The following PRICKLE3 variants were observed in gnomAD, a reference collection of about 807,000 sequenced individuals.
PRICKLE3 encodes the protein prickle planar cell polarity protein 3.
In PRICKLE3, 17 loss-of-function variants were observed where a neutral mutation model predicts 33.8. The ratio of observed to expected loss-of-function variants is 0.50; its 90% CI spans 0.34 to 0.75. PRICKLE3 has a LOEUF of 0.75. PRICKLE3 is among the 30% of genes least tolerant of loss of function. The probability of loss-of-function intolerance (pLI) is 0.01; values close to 1 mark genes in which losing one functional copy is unlikely to be tolerated. For synonymous variants in PRICKLE3, 211 were observed against 219.6 expected (o/e 0.96, Z 0.34); for missense variants, 573 against 576.7 (o/e 0.99, Z 0.07).
Position 49,178,194 on chromosome X carries a change from C to G in PRICKLE3, c.769-15G>C, listed in dbSNP as rs2147871863. On this transcript the variant is annotated splice_polypyrimidine_tract_variant and intron_variant, in intron 6 of 8. Transcript: ENST00000599218. The stretch of plus-strand genomic sequence containing the variant: ...GAGAAGATGATCTGGAGGGCGCAGG[C>G]CATCTGTGGCTGTCAGATGAGCCTG... The G allele has an allele frequency of 8.4e-7, 1 of 1,194,926 alleles. No individual in the cohort carries two copies. Among genetic ancestry groups the G allele is most frequent in the East Asian group, 3.0e-5 (1 of 33,523 alleles).
chrX:49,182,383 G>T (rs1557101298), intron 3 of PRICKLE3, among the ~76,000 whole-genome samples: 1 of 111,519 alleles, frequency 9.0e-6, no homozygotes, highest in African/African-American at 3.3e-5. Flanking sequence ...CAACCCTCTT[G>T]CGACTTCCCT....
Position 49,176,511 on chromosome X carries a change from A to C in PRICKLE3, c.1256-246T>G, listed in dbSNP as rs200503658. 4.1e-4 allele frequency among the ~76,000 whole-genome samples: 44 copies of C among 108,257 alleles called. No homozygotes were observed. In the East Asian group the frequency reaches 0.013, roughly 32 times the overall value. 94.0% of individuals were successfully genotyped at this position (108,257 alleles called of 115,157 possible). The stretch of plus-strand genomic sequence containing the variant: ...CTGGTGTGGGGGGCGTGGCCAGGGC[A>C]CCCGGGGTGGCTTCGGATGGAAGAG... On this transcript the variant is annotated intron_variant, in intron 8 of 8. Coordinates refer to ENST00000599218, the MANE Select transcript of PRICKLE3 (RefSeq NM_006150.5).
chrX:49,184,664 C>G lies in PRICKLE3; in HGVS notation c.89G>C (p.Cys30Ser). ...DPDRGQPCNS[C>S]REQCPGFLLH... ...CAGGAAGCCAGGGCACTGCTCCCTA[C>G]AGGAGTTGCAGGGCTGGCCCCGGTC... Residue 30 changes from cysteine to serine, a missense_variant, in exon 2 of 9, where the codon TGT becomes TCT. Physicochemically the swap from Cys to Ser is moderately radical, Grantham distance 112 (BLOSUM62 -1). Transcript: ENST00000599218. The G allele has an allele frequency of 8.7e-7, 1 of 1,147,029 alleles. No individual in the cohort carries two copies. Among genetic ancestry groups the G allele is most frequent in the Middle Eastern group, 2.5e-4 (1 of 4,062 alleles). The allele number at this position is 1,147,029 out of a possible 1,213,427, so 94.5% of individuals were successfully genotyped here.
Position 49,175,661 on chromosome X carries a change from G to A in PRICKLE3, c.*12C>T, listed in dbSNP as rs781800217. 1.4e-5 allele frequency: 17 copies of A among 1,195,017 alleles called. No homozygotes were observed. The Admixed American group carries it at 3.7e-4, about 26-fold the overall frequency. On this transcript the variant is annotated 3_prime_UTR_variant, in exon 9 of 9. Coordinates refer to ENST00000599218, the MANE Select transcript of PRICKLE3 (RefSeq NM_006150.5). ...GACTGGAGAATGGAGCCCCCTCCAG[G>A]ACGGCCTGCCTTCAAGCCACGATGC...
At position 49,178,468 on chromosome X, in the gene PRICKLE3, T is replaced by C. The variant is rs782775870; in HGVS notation, c.572A>G (p.Lys191Arg). The change falls in exon 6 of 9, where the codon AAG (lysine) becomes AGG (arginine). Residue 191 changes from lysine to arginine, a missense_variant. Coordinates refer to ENST00000599218, the MANE Select transcript of PRICKLE3 (RefSeq NM_006150.5). ...TGCGATGTCCCCACCTCCAATCTGC[T>C]TTCCGCACTGCCATGAGACAAGCAC... The part of the protein sequence containing the change: ...ITGAICEECG[K>R]QIGGGDIAVF... 1 of 1,208,236 alleles carries C rather than the reference T, an allele frequency of 8.3e-7. No homozygotes were observed. The highest frequency in any genetic ancestry group is 1.1e-6 in the Non-Finnish European group (1 of 892,357).
At position 49,177,095 on chromosome X, in the gene PRICKLE3, G is replaced by C; in HGVS notation, c.1063C>G (p.Pro355Ala). 1 of 1,201,882 alleles carries C rather than the reference G, an allele frequency of 8.3e-7. No homozygotes were observed. The highest frequency in any genetic ancestry group is 1.8e-5 in the South Asian group (1 of 55,896). The change falls in exon 8 of 9, where the codon CCA (proline) becomes GCA (alanine). Residue 355 changes from proline (P) to alanine (A), a missense_variant. By Grantham distance (27) the Pro-to-Ala change is conservative. Coordinates refer to ENST00000599218, the MANE Select transcript of PRICKLE3 (RefSeq NM_006150.5). The stretch of plus-strand genomic sequence containing the variant: ...GAGCAGAAGATTAGGCCTCGGCGTG[G>C]CAGGAATGGGCGGCCCAGCAGGGCC... Reference protein sequence around the residue: ...GRALLGRPFLPRRGLIFCSRA... With the variant: ...GRALLGRPFLARRGLIFCSRA...
At position 49,178,098 on chromosome X, in the gene PRICKLE3, A is replaced by G; in HGVS notation, c.850T>C (p.Ser284Pro). The change falls in exon 7 of 9, where the codon TCA becomes CCA. Residue 284 changes from serine (S) to proline (P), a missense_variant. Physicochemically the swap from Ser to Pro is moderately conservative, Grantham distance 74. Transcript: ENST00000599218. ...DHFCCFECEA[S>P]LGGQRYVMRQ... ...ATGACATAGCGCTGCCCTCCTAGTG[A>G]AGCTTCACACTCAAAGCAGCAGAAG... The G allele has an allele frequency of 3.4e-6, 4 of 1,184,012 alleles. No individual in the cohort carries two copies. The highest frequency in any genetic ancestry group is 4.5e-6 in the Non-Finnish European group (4 of 879,774).
intron 1 of PRICKLE3, among the ~76,000 whole-genome samples, chrX:49,185,540 G>A (rs1410942101): frequency 9.0e-6 from 1 of 110,975 alleles, no homozygotes; most frequent in Non-Finnish European, 1.9e-5. Flanking sequence ...TCAGCATTTC[G>A]GCATCCCAGG....
chrX:49,179,770 C>T lies in PRICKLE3; in HGVS notation c.349G>A (p.Val117Ile), dbSNP rs376691162. 18 of 1,169,921 alleles carry T rather than the reference C, an allele frequency of 1.5e-5. No homozygotes were observed. The highest frequency in any genetic ancestry group is 1.9e-5 in the Non-Finnish European group (17 of 872,015). ...QFFSCLPEDK[V>I]PYVNSPGEKY... is the part of the protein sequence containing the mutation. ...TCCCCAGGACTGTTGACGTAGGGGA[C>T]CTTGTCCTCTGGGAGGCAGCTGAAA... The change falls in exon 4 of 9, where the codon GTC (valine) becomes ATC (isoleucine). Residue 117 changes from valine to isoleucine, a missense_variant. Transcript: ENST00000599218.
chrX:49,175,601 TG>T lies in PRICKLE3; in HGVS notation c.*71del. 1 of 908,713 alleles carries T rather than the reference TG, an allele frequency of 1.1e-6. No homozygotes were observed. Among genetic ancestry groups the T allele is most frequent in the Non-Finnish European group, 1.5e-6 (1 of 655,795 alleles). 74.9% of individuals were successfully genotyped at this position (908,713 alleles called of 1,213,427 possible). On this transcript the variant is annotated 3_prime_UTR_variant, in exon 9 of 9. Transcript: ENST00000599218. Reference sequence around the variant, plus strand: ...TGACTTAGGTTGTAGGGGCGGGGCGTGGGGGTGAGGGGCATGGGCCTCATCA... The same window carrying T: ...TGACTTAGGTTGTAGGGGCGGGGCGTGGGGTGAGGGGCATGGGCCTCATCA...
At chrX:49,186,186 C>T (rs1386735121) in intron 1 of PRICKLE3, 70 bp downstream of exon 1, 1 of 1,084,111 alleles carries the variant, frequency 9.2e-7, no homozygotes, top group Middle Eastern at 2.6e-4. Context: ...TTCGCTATGC[C>T]TATCCATTGC....
intron 2 of PRICKLE3, 72 bp downstream of exon 2, chrX:49,184,553 C>T: frequency 1.1e-6 from 1 of 945,585 alleles, no homozygotes. Context: ...AGGGGCGTGG[C>T]GTAAGGCTCC....
rs782300571 is a variant in PRICKLE3, at chrX:49,176,045, T to C, written c.1476A>G (p.Ala492=). 2 of 1,205,180 alleles carry C rather than the reference T, an allele frequency of 1.7e-6. No homozygotes were observed. Among genetic ancestry groups the C allele is most frequent in the Non-Finnish European group, 2.2e-6 (2 of 893,285 alleles). The change falls in exon 9 of 9, where the codon GCA becomes GCG. Residue 492 remains alanine, a synonymous_variant. Transcript: ENST00000599218. ...SEGGPRRTLS[A]PPAQRRRPRS... ...GTGGCCTGCGGCGCTGGGCCGGGGG[T>C]GCACTCAGGGTCCGGCGCGGGCCTC... is the stretch of plus-strand genomic sequence containing the variant.
Position 49,177,127 on chromosome X carries a change from C to A in PRICKLE3, c.1031G>T (p.Cys344Phe). Reference protein sequence around the residue: ...ASDRCFCCSRCGRALLGRPFL... With the variant: ...ASDRCFCCSRFGRALLGRPFL... ...TGGGCGGCCCAGCAGGGCCCGCCCA[C>A]AGCGACTACAGCAGAAGCAGCGGTC... Residue 344 changes from cysteine to phenylalanine, a missense_variant, in exon 8 of 9, where the codon TGT becomes TTT. By Grantham distance (205) the Cys-to-Phe change is radical (BLOSUM62 -2). Transcript: ENST00000599218. 1.7e-6 allele frequency: 2 copies of A among 1,199,327 alleles called. No homozygotes were observed. Among genetic ancestry groups the A allele is most frequent in the South Asian group, 1.8e-5 (1 of 55,330 alleles).
intron 2 of PRICKLE3, 80 bp downstream of exon 2, chrX:49,184,545 G>A: frequency 1.1e-6 from 1 of 900,191 alleles, no homozygotes; most frequent in Non-Finnish European, 1.5e-6. Flanking sequence ...TCAAGCGTAG[G>A]GGCGTGGCGT....
intron 3 of PRICKLE3, among the ~76,000 whole-genome samples, chrX:49,181,180 C>A (rs1298672499): frequency 2.8e-5 from 3 of 108,823 alleles, no homozygotes; most frequent in Admixed American, 1.0e-4. Context: ...CCACCCTGGG[C>A]AACATGGCAA....
At position 49,176,949 on chromosome X, in the gene PRICKLE3, C is replaced by T; in HGVS notation, c.1209G>A (p.Gly403=). Residue 403 remains glycine, a synonymous_variant, in exon 8 of 9, where the codon GGG becomes GGA. Transcript: ENST00000599218. ...ASTASFSAVK[G]ASETTTKGTS... ...TGCCTTTGGTGGTGGTCTCTGATGC[C>T]CCCTTCACAGCAGAGAAAGAGGCTG... 4.1e-6 allele frequency: 5 copies of T among 1,208,470 alleles called. No individual in the cohort carries two copies. Among genetic ancestry groups the T allele is most frequent in the Non-Finnish European group, 5.6e-6 (5 of 894,127 alleles).
Position 49,176,988 on chromosome X carries a change from T to A in PRICKLE3, c.1170A>T (p.Pro390=). The change falls in exon 8 of 9, where the codon CCA becomes CCT. Residue 390 remains proline, a synonymous_variant. Transcript: ENST00000599218. The stretch of plus-strand genomic sequence containing the variant: ...AGAAAGAGGCTGTGGAGGCTGCAAG[T>A]GGGGCTGTGACAGGGCCGGCACTCC... ...RSWSAGPVTA[P]LAASTASFSA... 1 of 1,210,649 alleles carries A rather than the reference T, an allele frequency of 8.3e-7. No homozygotes were observed. The highest frequency in any genetic ancestry group is 1.1e-6 in the Non-Finnish European group (1 of 894,892).
rs2065410148 is a variant in PRICKLE3 at position 49,175,599 on chromosome X, C to T, written c.*74G>A. Reference sequence around the variant, plus strand: ...TATGACTTAGGTTGTAGGGGCGGGGCGTGGGGGTGAGGGGCATGGGCCTCA... The same window carrying T: ...TATGACTTAGGTTGTAGGGGCGGGGTGTGGGGGTGAGGGGCATGGGCCTCA... On this transcript the variant is annotated 3_prime_UTR_variant, in exon 9 of 9. Transcript: ENST00000599218. 3 of 872,334 alleles carry T rather than the reference C, an allele frequency of 3.4e-6. No individual in the cohort carries two copies. Among genetic ancestry groups the T allele is most frequent in the African/African-American group, 2.0e-5 (1 of 49,357 alleles). The allele number at this position is 872,334 out of a possible 1,213,427, so 71.9% of individuals were successfully genotyped here.
Sources: gnomAD v4.1 joint callset for allele counts (sites outside exome capture counted in the v4.1 genomes callset) on GRCh38, gnomAD v4.1.1 for gene constraint, MANE v1.5 for transcripts, NCBI Gene and HGNC (gene_info 2026-07-23, HGNC 2026-07-21) for gene names.